The following ITPR1 variants were observed in gnomAD, a reference collection of about 807,000 sequenced individuals.
ITPR1 encodes the protein inositol 1,4,5-trisphosphate-gated calcium channel ITPR1.
Under a neutral mutation model 318.4 loss-of-function variants are expected in ITPR1, and 96 were observed. The ratio of observed to expected loss-of-function variants is 0.30; its 90% CI spans 0.26 to 0.36. The LOEUF (loss-of-function observed/expected upper bound fraction) is 0.36. ITPR1 is among the 10% of genes least tolerant of loss of function. The pLI is 1.00. For synonymous variants in ITPR1, 1,312 were observed against 1,289.9 expected (o/e 1.02, Z -0.37); for missense variants, 2,440 against 3,460.2 (o/e 0.71, Z 7.40).
chr3:4,680,731 C>G (rs148841467), intron 25 of ITPR1, 40 bp downstream of exon 25: 3 of 1,561,550 alleles, frequency 1.9e-6, no homozygotes, highest in African/African-American at 2.7e-5. Context: ...TAGAATGGGA[C>G]CTGGCTCTAA....
chr3:4,667,676 G>A (rs2093981334), intron 18 of ITPR1, 127 bp downstream of exon 18: 6 of 857,246 alleles, frequency 7.0e-6, no homozygotes, highest in Non-Finnish European at 1.0e-5. Context: ...GGTCTGGAGA[G>A]GCTTTTTGAT....
intron 4 of ITPR1, among the ~76,000 whole-genome samples, chr3:4,540,328 A>G (rs1047253788): frequency 6.6e-6 from 1 of 152,114 alleles, no homozygotes; most frequent in African/African-American, 2.4e-5. Context: ...TTTAGTTAGT[A>G]TTTGTTTAAA....
rs146749123 is a variant in ITPR1, at chr3:4,745,523, G to A, written c.5544+10169G>A. Among the ~76,000 whole-genome samples, 143 of 152,220 alleles carry A rather than the reference G, an allele frequency of 9.4e-4. 1 individual carries two copies. The highest frequency in any genetic ancestry group is 3.4e-3 in the African/African-American group (140 of 41,520). On this transcript the variant is annotated intron_variant, in intron 44 of 61. Transcript: ENST00000649015. ...TGCTATTTCTGTGCCTCCTACAAACGTTTTCCTAGTGGTAAACACAGGGAC... is the reference window on the plus strand; with the variant it reads ...TGCTATTTCTGTGCCTCCTACAAACATTTTCCTAGTGGTAAACACAGGGAC...
At chr3:4,529,520 A>G (rs114581064) in intron 4 of ITPR1, among the ~76,000 whole-genome samples, 3,368 of 152,320 alleles carry the variant, frequency 0.022, 53 homozygotes, top group Non-Finnish European at 0.033. Context: ...TGTGTGGTGA[A>G]TCACTTGAGC....
intron 32 of ITPR1, among the ~76,000 whole-genome samples, 193 bp downstream of exon 32, chr3:4,691,537 A>C (rs2094478353): frequency 6.6e-6 from 1 of 152,236 alleles, no homozygotes; most frequent in South Asian, 2.1e-4. Context: ...ATCTGATCTG[A>C]TATTTCATAG....
chr3:4,811,572 C>T (rs1229803737), intron 56 of ITPR1, 112 bp downstream of exon 56: 15 of 780,616 alleles, frequency 1.9e-5, no homozygotes, highest in Non-Finnish European at 2.9e-5. Context: ...ATTGTATCTC[C>T]CTAACACGCA....
chr3:4,729,958 A>G (rs1021013927), intron 42 of ITPR1, among the ~76,000 whole-genome samples: 9 of 146,982 alleles, frequency 6.1e-5, no homozygotes, highest in Non-Finnish European at 1.2e-4. Context: ...CTGCAATCAG[A>G]TTTCTCAGCC....
At chr3:4,541,826 A>G (rs998635213) in intron 4 of ITPR1, among the ~76,000 whole-genome samples, 2 of 152,098 alleles carry the variant, frequency 1.3e-5, no homozygotes, top group Non-Finnish European at 2.9e-5. Context: ...GGATTTCACC[A>G]TGTTGGCCAG....
chr3:4,634,580 TTAGGAGGA>T (rs753930292), intron 5 of ITPR1, among the ~76,000 whole-genome samples: 18 of 152,158 alleles, frequency 1.2e-4, no homozygotes, highest in Non-Finnish European at 2.5e-4. Flanking sequence ...CACTTGTATT[TTAGGAGGA>T]GTATTCCAAA....
At chr3:4,655,352 C>G (rs753439451) in intron 12 of ITPR1, among the ~76,000 whole-genome samples, 2 of 152,256 alleles carry the variant, frequency 1.3e-5, no homozygotes, top group Middle Eastern at 3.4e-3. Flanking sequence ...TAGAGGGCTG[C>G]TCTCCTGGCC....
chr3:4,587,001 G>C (rs143335498), intron 4 of ITPR1, among the ~76,000 whole-genome samples: 1 of 152,002 alleles, frequency 6.6e-6, no homozygotes. Context: ...GGAATCACCC[G>C]GGAGATTCAA....
chr3:4,690,473 A>G (rs910007138), intron 31 of ITPR1, among the ~76,000 whole-genome samples: 2 of 152,198 alleles, frequency 1.3e-5, no homozygotes, highest in Admixed American at 6.5e-5. Context: ...AGTGTTGACA[A>G]GGATAGGAAC....
At chr3:4,523,116 G>C (rs184138331) in intron 4 of ITPR1, among the ~76,000 whole-genome samples, 8 of 152,314 alleles carry the variant, frequency 5.3e-5, no homozygotes, top group Admixed American at 1.3e-4. Context: ...GCTGATCTAG[G>C]TTTCGCTTTT....
chr3:4,575,575 T>G (rs17040941), intron 4 of ITPR1, among the ~76,000 whole-genome samples: 12,615 of 152,208 alleles, frequency 0.083, 1,762 homozygotes, highest in African/African-American at 0.29. Context: ...GACTGTGTAT[T>G]TCTCATCAAT....
chr3:4,686,387 G>A (rs2094395065), intron 30 of ITPR1, among the ~76,000 whole-genome samples: 1 of 152,192 alleles, frequency 6.6e-6, no homozygotes, highest in South Asian at 2.1e-4. Context: ...CTAACTTGTA[G>A]TTGATACAGG....
At chr3:4,817,679 CA>C (rs2049395458) in intron 59 of ITPR1, 1 of 155,554 alleles carries the variant, frequency 6.4e-6, no homozygotes, top group African/African-American at 2.4e-5. Flanking sequence ...AAAACCTTAA[CA>C]TGTCTGCATT....
intron 4 of ITPR1, among the ~76,000 whole-genome samples, chr3:4,579,201 A>T (rs1289596987): frequency 6.6e-6 from 1 of 152,174 alleles, no homozygotes; most frequent in Non-Finnish European, 1.5e-5. Context: ...CTTCTAAAAG[A>T]TGTGTCGTTG....
In ITPR1 at chr3:4,693,497, A is replaced by G. The variant is rs1378778119; in HGVS notation, c.4037A>G (p.Asn1346Ser). 1.2e-6 allele frequency: 2 copies of G among 1,613,804 alleles called. No homozygotes were observed. Among genetic ancestry groups the G allele is most frequent in the Non-Finnish European group, 1.7e-6 (2 of 1,179,720 alleles). Residue 1346 changes from asparagine to serine, a missense_variant, in exon 33 of 62, where the codon AAT becomes AGT. Physicochemically the swap from Asn to Ser is conservative, Grantham distance 46. Transcript: ENST00000649015. ...CQDMVMAELV[N>S]SGEDVLVFYN... ...ACCCTGTTCTTTATGTAGCTGGTCA[A>G]TTCGGGAGAGGATGTCCTCGTGTTC...
intron 44 of ITPR1, among the ~76,000 whole-genome samples, chr3:4,760,786 C>G (rs965562223): frequency 6.6e-6 from 1 of 152,168 alleles, no homozygotes; most frequent in Non-Finnish European, 1.5e-5. Flanking sequence ...CACATTGCCT[C>G]TCGCCACCCT....
Sources: allele counts gnomAD v4.1 joint callset (sites outside exome capture counted in the v4.1 genomes callset), GRCh38; gene constraint gnomAD v4.1.1; transcripts MANE v1.5; gene names NCBI Gene and HGNC (gene_info 2026-07-23, HGNC 2026-07-21).